Variants in SMARCA2 observed in about 807,000 individuals in gnomAD.
SMARCA2 encodes SWI/SNF-related matrix-associated actin-dependent regulator of chromatin subfamily A member 2.
SMARCA2 carries 61 observed loss-of-function variants against 199.8 expected under a neutral mutation model. That is an observed-to-expected ratio of 0.31 (90% confidence interval 0.25 to 0.38). SMARCA2 has a LOEUF of 0.38. SMARCA2 is among the 10% of genes least tolerant of loss of function. The pLI is 1.00. For synonymous variants in SMARCA2, 935 were observed against 732.0 expected (o/e 1.28, Z -4.48); for missense variants, 1,344 against 2,012.2 (o/e 0.67, Z 6.35).
rs1823368202 is a variant in SMARCA2, at chr9:2,119,672, C to T, written c.3762+137C>T. On this transcript the variant is annotated intron_variant, in intron 26 of 33. Transcript: ENST00000349721. This position sits in a 1 kb window ranked among gnomAD's most constrained non-coding sequence, Gnocchi z 4.6. ...TGCCTTTCCTTCAGTTCAGAGGCTG[C>T]AAACTGGCTGGAGTTAGCCTGCAGA... 2 of 619,682 alleles carry T rather than the reference C, an allele frequency of 3.2e-6. No homozygotes were observed. Among genetic ancestry groups the T allele is most frequent in the South Asian group, 4.0e-5 (2 of 49,478 alleles). The allele number at this position is 619,682 out of a possible 1,614,324, so 38.4% of individuals were successfully genotyped here.
At chr9:2,109,067 G>T (rs1180749354) in intron 23 of SMARCA2, among the ~76,000 whole-genome samples, 1 of 152,194 alleles carries the variant, frequency 6.6e-6, no homozygotes, top group African/African-American at 2.4e-5. Context: ...GTGAAAAACA[G>T]ATCGTCCCCA....
chr9:2,109,638 G>C (rs949911204), intron 23 of SMARCA2, among the ~76,000 whole-genome samples: 1 of 152,050 alleles, frequency 6.6e-6, no homozygotes, highest in Non-Finnish European at 1.5e-5. Flanking sequence ...CTTGTGGGGG[G>C]GGTGGGGATT....
In SMARCA2 at chr9:2,119,510, G is replaced by A. The variant is rs765383428; in HGVS notation, c.3737G>A (p.Arg1246Gln). The A allele has an allele frequency of 1.3e-5, 21 of 1,612,198 alleles. No individual in the cohort carries two copies. Among genetic ancestry groups the A allele is most frequent in the Middle Eastern group, 1.6e-4 (1 of 6,084 alleles). ...DETLNQMIAR[R>Q]EEEFDLFMRM... is the part of the protein sequence containing the mutation. ...ACTCTGAACCAAATGATTGCTCGAC[G>A]AGAAGAAGAATTTGACCTTTTTATG... Residue 1246 changes from arginine (R) to glutamine (Q), a missense_variant, in exon 26 of 34, where the codon CGA becomes CAA. Transcript: ENST00000349721. This position sits in a 1 kb window ranked among gnomAD's most constrained non-coding sequence, Gnocchi z 4.6.
intron 4 of SMARCA2, chr9:2,042,585 C>G: frequency 6.6e-6 from 1 of 151,660 alleles, no homozygotes; most frequent in Middle Eastern, 3.5e-3. Flanking sequence ...TACCTGTACA[C>G]AATAAATGCT....
Position 2,182,194 on chromosome 9 carries a change from C to G in SMARCA2, c.4413C>G (p.Val1471=). 5.6e-6 allele frequency: 9 copies of G among 1,613,802 alleles called. No homozygotes were observed. The highest frequency in any genetic ancestry group is 7.6e-6 in the Non-Finnish European group (9 of 1,179,702). Residue 1471 remains valine, a synonymous_variant, in exon 31 of 34, where the codon GTC becomes GTG. Transcript: ENST00000349721. ...YRSLGDLEKD[V]MLLCHNAQTF... ...GCCTAGGCGACCTGGAGAAGGATGT[C>G]ATGCTTCTCTGTCACAACGCTCAGA...
chr9:2,162,699 C>G (rs1285240002), intron 28 of SMARCA2: 1 of 152,030 alleles, frequency 6.6e-6, no homozygotes, highest in East Asian at 1.9e-4. Flanking sequence ...GACATTTTCA[C>G]TCTCTCAGTT....
intron 27 of SMARCA2, among the ~76,000 whole-genome samples, chr9:2,145,566 A>G (rs1824700012): frequency 1.3e-5 from 2 of 152,146 alleles, no homozygotes; most frequent in Non-Finnish European, 2.9e-5. Flanking sequence ...GAGGTGAGGA[A>G]TGGGTGAAGT....
intron 3 of SMARCA2, among the ~76,000 whole-genome samples, chr9:2,034,005 G>T (rs1255584890): frequency 6.6e-6 from 1 of 152,078 alleles, no homozygotes; most frequent in African/African-American, 2.4e-5. Context: ...CCAGCGCTTT[G>T]GGAGGCTGAG....
chr9:2,082,446 G>A (rs1416400468), intron 15 of SMARCA2, among the ~76,000 whole-genome samples: 2 of 152,014 alleles, frequency 1.3e-5, no homozygotes, highest in Non-Finnish European at 2.9e-5. Flanking sequence ...TCATAACTAG[G>A]AGTTTTGCAT....
At chr9:2,179,479 C>T (rs1826857649) in intron 29 of SMARCA2, among the ~76,000 whole-genome samples, 1 of 151,962 alleles carries the variant, frequency 6.6e-6, no homozygotes, top group African/African-American at 2.4e-5. Context: ...CAGTATTGGC[C>T]CCAAGTCTCA....
intron 3 of SMARCA2, among the ~76,000 whole-genome samples, chr9:2,033,355 C>T (rs1018735190): frequency 6.6e-6 from 1 of 152,148 alleles, no homozygotes; most frequent in African/African-American, 2.4e-5. Context: ...GAATCTTTAT[C>T]GTGATCTTTT....
Position 2,110,568 on chromosome 9 carries a change from T to C in SMARCA2, c.3456+151T>C. 1 of 589,632 alleles carries C rather than the reference T, an allele frequency of 1.7e-6. No homozygotes were observed. Among genetic ancestry groups the C allele is most frequent in the African/African-American group, 1.9e-5 (1 of 53,186 alleles). The allele number at this position is 589,632 out of a possible 1,614,324, so 36.5% of individuals were successfully genotyped here. Reference sequence around the variant, plus strand: ...GCCAATTCTTCTGGCTGTTTTCTTATCTCCCTTAGAGCATAGATACGAGGT... The same window carrying C: ...GCCAATTCTTCTGGCTGTTTTCTTACCTCCCTTAGAGCATAGATACGAGGT... On this transcript the variant is annotated intron_variant, in intron 24 of 33. Transcript: ENST00000349721. The surrounding 1 kb of genome is among the most constrained non-coding windows in gnomAD (Gnocchi z 4.8).
intron 16 of SMARCA2, among the ~76,000 whole-genome samples, chr9:2,083,862 C>T (rs896158242): frequency 7.2e-5 from 11 of 152,174 alleles, no homozygotes; most frequent in Admixed American, 2.0e-4. Context: ...TCCCTTTGCC[C>T]TCCCACTGTC....
chr9:2,051,074 C>T (rs943395712), intron 5 of SMARCA2, among the ~76,000 whole-genome samples: 2 of 152,126 alleles, frequency 1.3e-5, no homozygotes, highest in Non-Finnish European at 2.9e-5. Flanking sequence ...CTGAATCTCA[C>T]TGATGGGGAG....
chr9:2,190,622 T>G lies in SMARCA2; in HGVS notation c.4595-644T>G, dbSNP rs115827494. Among the ~76,000 whole-genome samples the G allele has an allele frequency of 8.7e-3, 1,274 of 146,682 alleles. 14 individuals carry two copies. The highest frequency in any genetic ancestry group is 0.031 in the African/African-American group (1,163 of 37,934). ...TCTATAGAGAGACTTTTATAGAATA[T>G]GTAGAATCACACACACACACATACA... On this transcript the variant is annotated intron_variant, in intron 32 of 33. Coordinates refer to ENST00000349721, the MANE Select transcript of SMARCA2 (RefSeq NM_003070.5).
At position 2,036,591 on chromosome 9, in the gene SMARCA2, AC is replaced by A. The variant is rs543525611; in HGVS notation, c.356-2874del. ...TAAAAATCTCTATTTTTAATACCAT[AC>A]GGTGACAGAATGATTCTATTCACAT... is the stretch of plus-strand genomic sequence containing the variant. On this transcript the variant is annotated intron_variant, in intron 3 of 33. Transcript: ENST00000349721. Among the ~76,000 whole-genome samples, 34 of 152,342 alleles carry A rather than the reference AC, an allele frequency of 2.2e-4. No individual in the cohort carries two copies. In the East Asian group the frequency reaches 6.6e-3, roughly 29 times the overall value.
rs748745946 is a variant in SMARCA2, at chr9:2,056,872, C to G, written c.1347+27C>G. The G allele has an allele frequency of 3.7e-6, 6 of 1,603,544 alleles. No homozygotes were observed. In the African/African-American group the frequency reaches 8.1e-5, roughly 22 times the overall value. On this transcript the variant is annotated intron_variant, in intron 7 of 33. Transcript: ENST00000349721. The surrounding 1 kb of genome is among the most constrained non-coding windows in gnomAD (Gnocchi z 4.0). Reference sequence around the variant, plus strand: ...TTCTTAGACCCTGGGCTTTGCTCACCCTCACTTTGGCAGAGCTGTCCAATG... The same window carrying G: ...TTCTTAGACCCTGGGCTTTGCTCACGCTCACTTTGGCAGAGCTGTCCAATG...
intron 22 of SMARCA2, 22 bp downstream of exon 22, chr9:2,101,638 C>CT: frequency 1.5e-6 from 2 of 1,351,538 alleles, no homozygotes; most frequent in Non-Finnish European, 2.1e-6. Context: ...ATTTTTTTTT[C>CT]TTTTAAAAAA....
chr9:2,109,687 T>G (rs1183429702), intron 23 of SMARCA2, among the ~76,000 whole-genome samples: 2 of 151,930 alleles, frequency 1.3e-5, no homozygotes, highest in African/African-American at 2.4e-5. Context: ...ATAAAATTAT[T>G]CCATTTGCAA....
Sources: gnomAD v4.1 joint callset for allele counts (sites outside exome capture counted in the v4.1 genomes callset) on GRCh38, gnomAD v4.1.1 for gene constraint, Gnocchi (gnomAD v3.1) non-coding constraint, MANE v1.5 for transcripts, NCBI Gene and HGNC (gene_info 2026-07-23, HGNC 2026-07-21) for gene names.